The following AKNAD1 variants were observed in gnomAD, a reference collection of about 807,000 sequenced individuals.
AKNAD1 encodes the protein protein AKNAD1.
A neutral mutation model predicts 90.8 loss-of-function variants in AKNAD1; 67 were observed. The observed-to-expected ratio is 0.74, with a 90% confidence interval of 0.61 to 0.90. The LOEUF (loss-of-function observed/expected upper bound fraction) is 0.90. Ranked by LOEUF, AKNAD1 falls within the 40% of genes least tolerant of loss-of-function variation. The pLI is 0.00. For missense variants in AKNAD1, 957 were observed against 975.4 expected (o/e 0.98, Z 0.25); for synonymous variants, 327 against 341.4 (o/e 0.96, Z 0.46).
In AKNAD1 at chr1:108,823,021, GC is replaced by G. The variant is rs1156524263; in HGVS notation, c.2167+348del. On this transcript the variant is annotated intron_variant, in intron 13 of 15. Transcript: ENST00000370001. The stretch of plus-strand genomic sequence containing the variant: ...GACTCTTAGTAGGGATATATGTAAA[GC>G]ATTAGCCACCTCTGAATAGTAACAA... 4.4e-5 allele frequency: 27 copies of G among 611,146 alleles called. No individual in the cohort carries two copies. In the East Asian group the frequency reaches 7.1e-4, roughly 16 times the overall value. The allele number at this position is 611,146 out of a possible 1,614,324, so 37.9% of individuals were successfully genotyped here.
In AKNAD1 at chr1:108,834,939, C is replaced by A; in HGVS notation, c.1654G>T (p.Ala552Ser). ...AGGGCTAGGACTCACGTCTGCGGGG[C>A]CAGCTCACAGAGCTCCTCGTTGGGG... is the stretch of plus-strand genomic sequence containing the variant. ...EAPNEELCEL[A>S]PQTYLNGHYG... Residue 552 changes from alanine (A) to serine (S), a missense_variant, in exon 8 of 16, where the codon GCC becomes TCC. Transcript: ENST00000370001. The A allele has an allele frequency of 6.5e-7, 1 of 1,537,984 alleles. No individual in the cohort carries two copies. Among genetic ancestry groups the A allele is most frequent in the South Asian group, 1.2e-5 (1 of 80,624 alleles).
intron 5 of AKNAD1, among the ~76,000 whole-genome samples, chr1:108,845,374 C>T (rs186811000): frequency 1.3e-5 from 2 of 152,214 alleles, no homozygotes; most frequent in African/African-American, 2.4e-5. Context: ...TCACCTGTGC[C>T]GTCATGGAGT....
intron 9 of AKNAD1, among the ~76,000 whole-genome samples, chr1:108,833,127 T>C (rs2101183575): frequency 6.6e-6 from 1 of 151,094 alleles, no homozygotes; most frequent in Middle Eastern, 3.4e-3. Flanking sequence ...TGAAATATAG[T>C]ACAGTCATCA....
intron 13 of AKNAD1, among the ~76,000 whole-genome samples, chr1:108,822,828 A>G (rs992473634): frequency 2.0e-5 from 3 of 152,088 alleles, no homozygotes; most frequent in African/African-American, 7.2e-5. Context: ...TTATTTGGGT[A>G]TGAGTTTCTT....
At position 108,849,615 on chromosome 1, in the gene AKNAD1, T is replaced by C. The variant is rs746217097; in HGVS notation, c.994-39A>G. 2.9e-5 allele frequency: 41 copies of C among 1,428,936 alleles called. No individual in the cohort carries two copies. The Admixed American group carries it at 6.4e-4, about 22-fold the overall frequency. 88.5% of individuals were successfully genotyped at this position (1,428,936 alleles called of 1,614,324 possible). On this transcript the variant is annotated intron_variant, in intron 2 of 15. Transcript: ENST00000370001. Reference sequence around the variant, plus strand: ...GGGTAAGAAAACGTTACTGTCGATATTGATCAATGACACCACCGTTCAGAA... The same window carrying C: ...GGGTAAGAAAACGTTACTGTCGATACTGATCAATGACACCACCGTTCAGAA...
At chr1:108,822,388 C>T (rs367650609) in intron 13 of AKNAD1, among the ~76,000 whole-genome samples, 9 of 152,280 alleles carry the variant, frequency 5.9e-5, no homozygotes, top group African/African-American at 2.2e-4. Context: ...CATTGCAGCC[C>T]TCGTTCGTAT....
intron 5 of AKNAD1, among the ~76,000 whole-genome samples, chr1:108,843,850 A>G (rs936154624): frequency 3.9e-5 from 6 of 152,198 alleles, no homozygotes; most frequent in Admixed American, 3.9e-4. Flanking sequence ...AGACATCACT[A>G]CGTGCAGCCT....
At chr1:108,856,731 A>ACACACACACACACACACACAC (rs1553205559) in intron 1 of AKNAD1, among the ~76,000 whole-genome samples, 198 bp downstream of exon 1, 4 of 145,198 alleles carry the variant, frequency 2.8e-5, no homozygotes, top group Non-Finnish European at 4.5e-5. Flanking sequence ...CACACACATA[A>ACACACACACACACACACACAC]ACACACACAC....
chr1:108,852,506 G>T lies in AKNAD1; in HGVS notation c.159C>A (p.Asp53Glu), dbSNP rs1307006472. The change falls in exon 2 of 16, where the codon GAC becomes GAA. Residue 53 changes from aspartate to glutamate, a missense_variant. Transcript: ENST00000370001. ...CACTATGCATAGCCTTCTCTTGAGG[G>T]TCATCTGCTATGAAAATAATTTGAT... ...VLNQIIFIAD[D>E]PQEKAMHSET... 14 of 1,614,108 alleles carry T rather than the reference G, an allele frequency of 8.7e-6. No individual in the cohort carries two copies. Among genetic ancestry groups the T allele is most frequent in the Non-Finnish European group, 1.2e-5 (14 of 1,179,996 alleles).
chr1:108,826,588 T>C (rs1664000837), intron 11 of AKNAD1, among the ~76,000 whole-genome samples: 1 of 151,550 alleles, frequency 6.6e-6, no homozygotes. Flanking sequence ...CAGTTATGGG[T>C]CATGTGGGAA....
chr1:108,848,923 G>A lies in AKNAD1; in HGVS notation c.1171C>T (p.Leu391=). Residue 391 remains leucine, a synonymous_variant, in exon 4 of 16, where the codon CTG becomes TTG. Coordinates refer to ENST00000370001, the MANE Select transcript of AKNAD1 (RefSeq NM_152763.5). ...TTTAAAAGTATTACTTTAGTCTTCA[G>A]TTGATCAGTCTGTTCTTTCAACTTC... ...CQKLKEQTDQ[L]KTKVQEFSKR... 1 of 1,602,844 alleles carries A rather than the reference G, an allele frequency of 6.2e-7. No individual in the cohort carries two copies. The highest frequency in any genetic ancestry group is 8.5e-7 in the Non-Finnish European group (1 of 1,176,754).
At chr1:108,831,419 C>G (rs1259953001) in intron 9 of AKNAD1, among the ~76,000 whole-genome samples, 1 of 152,220 alleles carries the variant, frequency 6.6e-6, no homozygotes, top group East Asian at 1.9e-4. Context: ...CCCATATTGC[C>G]AAATTGCTTT....
In AKNAD1 at chr1:108,816,185, G is replaced by T. The variant is rs374014795; in HGVS notation, c.2497C>A (p.Arg833=). 6.9e-6 allele frequency: 11 copies of T among 1,602,992 alleles called. No homozygotes were observed. In the East Asian group the frequency reaches 1.8e-4, roughly 26 times the overall value. Residue 833 remains arginine (R), a synonymous_variant, in exon 16 of 16, where the codon CGA becomes AGA. Coordinates refer to ENST00000370001, the MANE Select transcript of AKNAD1 (RefSeq NM_152763.5). Reference sequence around the variant, plus strand: ...CTAGCGTTGAACTAGTATTTCAGTCGATTCCTCCACCTCTGTGCTTTAGCA... The same window carrying T: ...CTAGCGTTGAACTAGTATTTCAGTCTATTCCTCCACCTCTGTGCTTTAGCA... ...DLAKAQRWRN[R]LKY
At chr1:108,840,399 C>T (rs1451459330) in intron 6 of AKNAD1, among the ~76,000 whole-genome samples, 1 of 152,114 alleles carries the variant, frequency 6.6e-6, no homozygotes, top group East Asian at 1.9e-4. Context: ...GTAAAATCTG[C>T]ATGAAGAAAA....
At chr1:108,832,977 T>C (rs2101183332) in intron 9 of AKNAD1, among the ~76,000 whole-genome samples, 1 of 152,322 alleles carries the variant, frequency 6.6e-6, no homozygotes, top group African/African-American at 2.4e-5. Context: ...AGGGTTTTAT[T>C]CTAAGGAAAT....
At chr1:108,857,400 G>C (rs368579424), upstream of AKNAD1, 1 of 153,136 alleles carries the variant, frequency 6.5e-6, no homozygotes, top group African/African-American at 2.4e-5. Context: ...TAGGATGACT[G>C]GGAATCTGAT....
At chr1:108,855,647 A>G (rs572258135) in intron 1 of AKNAD1, among the ~76,000 whole-genome samples, 114 of 145,284 alleles carry the variant, frequency 7.8e-4, no homozygotes, top group African/African-American at 2.8e-3. Flanking sequence ...TTAGTTGGGC[A>G]TGGTGGTGCA....
chr1:108,849,040 G>T lies in AKNAD1; in HGVS notation c.1054C>A (p.Leu352Ile), dbSNP rs11580913. The T allele has an allele frequency of 3.1e-6, 5 of 1,601,958 alleles. No homozygotes were observed. The highest frequency in any genetic ancestry group is 3.5e-5 in the Admixed American group (2 of 56,974). Residue 352 changes from leucine to isoleucine, a missense_variant, in exon 4 of 16, where the codon CTC becomes ATC. Transcript: ENST00000370001. ...TGAGAGGTTGGTGACAACTTAGAGA[G>T]ACTTGCCTCAGATTCTATTCCTATA... Reference protein sequence around the residue: ...LLTGIESEASLSKLSPTSQKG... With the variant: ...LLTGIESEASISKLSPTSQKG...
chr1:108,824,864 G>A (rs1245591954), intron 11 of AKNAD1, among the ~76,000 whole-genome samples: 1 of 151,552 alleles, frequency 6.6e-6, no homozygotes, highest in African/African-American at 2.4e-5. Context: ...AAAATGTAGA[G>A]CCTAATTCCT....
Sources: allele counts gnomAD v4.1 joint callset (sites outside exome capture counted in the v4.1 genomes callset), GRCh38; gene constraint gnomAD v4.1.1; transcripts MANE v1.5; gene names NCBI Gene and HGNC (gene_info 2026-07-23, HGNC 2026-07-21).